DMXL1: variants seen among roughly 807,000 people sequenced by gnomAD.
The protein encoded by DMXL1 is dmX-like protein 1.
A neutral mutation model predicts 319.2 loss-of-function variants in DMXL1; 99 were observed. The observed-to-expected ratio is 0.31, with a 90% CI of 0.26 to 0.37. DMXL1 has a LOEUF of 0.37. DMXL1 is among the 10% of genes least tolerant of loss of function. The pLI, the probability that DMXL1 is intolerant of heterozygous loss-of-function variation, is 1.00. For synonymous variants in DMXL1, 1,385 were observed against 1,235.2 expected, an observed-to-expected ratio of 1.12 and a Z score of -2.54; for missense variants, 3,745 against 3,595.6, an observed-to-expected ratio of 1.04 and a Z score of -1.06.
chr5:119,165,297 A>G lies in DMXL1; in HGVS notation c.4970+17A>G, dbSNP rs547542347. The G allele has an allele frequency of 6.5e-6, 9 of 1,388,644 alleles. No homozygotes were observed. The highest frequency in any genetic ancestry group is 1.9e-4 in the Middle Eastern group (1 of 5,252). The allele number at this position is 1,388,644 out of a possible 1,614,324, so 86.0% of individuals were successfully genotyped here. ...ATTATATAGGTAGGTAAAAAAAAAA[A>G]AAAAAAAGGGTGCTTCAATGTGAAA... On this transcript the variant is annotated intron_variant, in intron 21 of 43. Coordinates refer to ENST00000539542, the MANE Select transcript of DMXL1 (RefSeq NM_001290321.3).
At chr5:119,096,123 GAGTATAC>G (rs1561565709) in intron 1 of DMXL1, among the ~76,000 whole-genome samples, 2 of 151,736 alleles carry the variant, frequency 1.3e-5, no homozygotes, top group Non-Finnish European at 2.9e-5. Context: ...TTTTTTGATA[GAGTATAC>G]AGAATAATTT....
At chr5:119,177,581 T>G in intron 27 of DMXL1, 97 bp downstream of exon 27, 4 of 1,026,756 alleles carry the variant, frequency 3.9e-6, no homozygotes, top group Non-Finnish European at 5.6e-6. Flanking sequence ...TAATCATTGT[T>G]AAATACTGTT....
In DMXL1 at chr5:119,133,331, T is replaced by C. The variant is rs940409883; in HGVS notation, c.1515T>C (p.Val505=). Residue 505 remains valine, a synonymous_variant, in exon 11 of 44, where the codon GTT becomes GTC. Transcript: ENST00000539542. ...SIHPMDGSLL[V]WHVDWLDEYQ... ...ATCCCATGGATGGTTCTTTGCTAGT[T>C]TGGCATGTGGATTGGCTGGATGAAT... The C allele has an allele frequency of 5.6e-6, 9 of 1,613,840 alleles. No individual in the cohort carries two copies. The highest frequency in any genetic ancestry group is 1.6e-4 in the Middle Eastern group (1 of 6,084).
chr5:119,198,902 T>C (rs762229470), intron 32 of DMXL1, among the ~76,000 whole-genome samples: 1 of 152,210 alleles, frequency 6.6e-6, no homozygotes, highest in Admixed American at 6.5e-5. Flanking sequence ...TTTTCCTTTT[T>C]TGGAGACAAA....
At chr5:119,140,005 A>G (rs1045607175) in intron 13 of DMXL1, among the ~76,000 whole-genome samples, 17 of 152,184 alleles carry the variant, frequency 1.1e-4, no homozygotes, top group Non-Finnish European at 1.8e-4. Flanking sequence ...TATTAAAAAC[A>G]TGCTCCTGAA....
chr5:119,202,901 A>ATG (rs1218153697), intron 32 of DMXL1, among the ~76,000 whole-genome samples: 1 of 144,774 alleles, frequency 6.9e-6, no homozygotes, highest in Admixed American at 7.0e-5. Context: ...ATATATATAT[A>ATG]TATATTTATA....
intron 5 of DMXL1, among the ~76,000 whole-genome samples, chr5:119,112,908 A>C (rs1759981836): frequency 6.6e-6 from 1 of 151,830 alleles, no homozygotes; most frequent in Admixed American, 6.6e-5. Context: ...ATGAGCCGAG[A>C]TCACACCACT....
At chr5:119,107,822 T>C (rs1361534332) in intron 4 of DMXL1, among the ~76,000 whole-genome samples, 1 of 152,220 alleles carries the variant, frequency 6.6e-6, no homozygotes, top group African/African-American at 2.4e-5. Context: ...ACCTTCTGTC[T>C]AGTTGCTCTA....
At chr5:119,120,718 T>A (rs137967698) in intron 8 of DMXL1, among the ~76,000 whole-genome samples, 1 of 152,218 alleles carries the variant, frequency 6.6e-6, no homozygotes, top group South Asian at 2.1e-4. Flanking sequence ...TAATAAAAAT[T>A]GCAAAACACT....
Position 119,240,467 on chromosome 5 carries a change from C to T in DMXL1, c.8700C>T (p.Val2900=). Residue 2900 remains valine, a synonymous_variant, in exon 42 of 44, where the codon GTC becomes GTT. Transcript: ENST00000539542. The part of the protein sequence containing the change: ...DTLVAPANSL[V]HAFTCHDSGA... Reference sequence around the variant, plus strand: ...TTGTAGCACCTGCCAATAGTTTAGTCCATGGTAAGTTTTCAAAGCATTTTA... The same window carrying T: ...TTGTAGCACCTGCCAATAGTTTAGTTCATGGTAAGTTTTCAAAGCATTTTA... The T allele has an allele frequency of 6.3e-7, 1 of 1,599,448 alleles. No individual in the cohort carries two copies.
chr5:119,175,171 C>A, intron 25 of DMXL1, 90 bp from the exon 26 acceptor site: 8 of 918,082 alleles, frequency 8.7e-6, no homozygotes, highest in Non-Finnish European at 9.5e-6. Context: ...TTTTTTCATT[C>A]TTTTAAAAAT....
Position 119,175,338 on chromosome 5 carries a change from G to GTAAC in DMXL1, c.6758+4_6758+7dup. 6.2e-7 allele frequency: 1 copy of GTAAC among 1,603,074 alleles called. No individual in the cohort carries two copies. Among genetic ancestry groups the GTAAC allele is most frequent in the African/African-American group, 1.3e-5 (1 of 74,696 alleles). On this transcript the variant is annotated splice_donor_variant, in intron 26 of 43. Coordinates refer to ENST00000539542, the MANE Select transcript of DMXL1 (RefSeq NM_001290321.3). LOFTEE classifies it high-confidence loss of function. Reference sequence around the variant, plus strand: ...GCCTTTGTGGTAGTCATAACTACAGGTAACTATCTTTTTATGAAATTTAAG... The same window carrying GTAAC: ...GCCTTTGTGGTAGTCATAACTACAGGTAACTAACTATCTTTTTATGAAATTTAAG...
chr5:119,112,731 T>C (rs1275609929), intron 5 of DMXL1, among the ~76,000 whole-genome samples: 2 of 152,030 alleles, frequency 1.3e-5, no homozygotes, highest in Non-Finnish European at 2.9e-5. Context: ...CCGAGGTGGG[T>C]GGATCACCTG....
intron 43 of DMXL1, among the ~76,000 whole-genome samples, chr5:119,245,442 AAT>A (rs1005617049): frequency 6.6e-6 from 1 of 152,120 alleles, no homozygotes; most frequent in African/African-American, 2.4e-5. Context: ...CTTAAAATCA[AAT>A]ATATATATAC....
chr5:119,189,410 CTAGT>C (rs1338697926), intron 28 of DMXL1, among the ~76,000 whole-genome samples: 2 of 152,024 alleles, frequency 1.3e-5, no homozygotes, highest in African/African-American at 4.8e-5. Flanking sequence ...TATCGTGTTC[CTAGT>C]TAAATTGTGG....
At chr5:119,147,519 T>G (rs768574592) in intron 17 of DMXL1, 49 bp downstream of exon 17, 38 of 1,291,394 alleles carry the variant, frequency 2.9e-5, no homozygotes, top group Non-Finnish European at 3.3e-5. Context: ...CATGAGTATT[T>G]ACCAGGTATT....
chr5:119,155,826 CAA>C (rs35851317), intron 19 of DMXL1, among the ~76,000 whole-genome samples: 13 of 84,788 alleles, frequency 1.5e-4, no homozygotes, highest in Admixed American at 2.4e-4. Context: ...GACCCTGTCT[CAA>C]AAAAAAAAAA....
At chr5:119,145,920 T>C (rs976054454) in intron 15 of DMXL1, among the ~76,000 whole-genome samples, 5 of 151,814 alleles carry the variant, frequency 3.3e-5, no homozygotes, top group African/African-American at 1.2e-4. Flanking sequence ...AGTGAAATTA[T>C]CAAAACTAGG....
rs891411578 is a variant in DMXL1 at position 119,220,364 on chromosome 5, T to C, written c.8014-108T>C. 6.3e-5 allele frequency: 58 copies of C among 914,800 alleles called. No individual in the cohort carries two copies. In the African/African-American group the frequency reaches 8.2e-4, roughly 13 times the overall value. The allele number at this position is 914,800 out of a possible 1,614,324, so 56.7% of individuals were successfully genotyped here. A position where few individuals can be genotyped will look rare whatever the true frequency, so the allele number is the denominator to read the frequency against. On this transcript the variant is annotated intron_variant, in intron 35 of 43. Transcript: ENST00000539542. ...TAAGAATGCTGTATATCCTGTACTT[T>C]AGTTATCACTGCTAGAGGTTATTTC...
Sources: allele counts gnomAD v4.1 joint callset (sites outside exome capture counted in the v4.1 genomes callset), GRCh38; gene constraint gnomAD v4.1.1; transcripts MANE v1.5; gene names NCBI Gene and HGNC (gene_info 2026-07-23, HGNC 2026-07-21).